NDST4: variants seen among roughly 807,000 people sequenced by gnomAD.
NDST4 encodes N-deacetylase and N-sulfotransferase 4.
Under a neutral mutation model 100.8 loss-of-function variants are expected in NDST4, and 63 were observed. The ratio of observed to expected loss-of-function variants is 0.62; its 90% confidence interval spans 0.51 to 0.77. NDST4 has a LOEUF of 0.77. NDST4 is among the 30% of genes least tolerant of loss of function. NDST4 has a pLI of 0.00. For synonymous variants in NDST4, 377 were observed against 361.8 expected, an observed-to-expected ratio of 1.04 and a Z score of -0.48; for missense variants, 943 against 1,018.4, an observed-to-expected ratio of 0.93 and a Z score of 1.01.
intron 2 of NDST4, among the ~76,000 whole-genome samples, chr4:115,039,439 G>GA (rs33984444): frequency 0.2 from 30,261 of 149,004 alleles, 3,764 homozygotes; most frequent in East Asian, 0.42. Flanking sequence ...TACACTGAAA[G>GA]AAAAAAAAAA....
At chr4:115,015,424 G>A (rs879453672) in intron 2 of NDST4, among the ~76,000 whole-genome samples, 1 of 152,006 alleles carries the variant, frequency 6.6e-6, no homozygotes, top group Non-Finnish European at 1.5e-5. Context: ...TCATCTAGTT[G>A]TTCATTTTGT....
At chr4:114,930,171 AAG>A (rs1725483514) in intron 6 of NDST4, among the ~76,000 whole-genome samples, 1 of 152,196 alleles carries the variant, frequency 6.6e-6, no homozygotes. Flanking sequence ...ATATATACAA[AAG>A]GTGTTGATTT....
At chr4:114,836,893 T>C (rs928635841) in intron 11 of NDST4, among the ~76,000 whole-genome samples, 1 of 152,148 alleles carries the variant, frequency 6.6e-6, no homozygotes, top group African/African-American at 2.4e-5. Flanking sequence ...TAGCTTTTAT[T>C]CTGCTTGATC....
chr4:115,102,545 G>C (rs1482351610), intron 1 of NDST4, among the ~76,000 whole-genome samples: 3 of 151,918 alleles, frequency 2.0e-5, no homozygotes, highest in African/African-American at 7.2e-5. Flanking sequence ...TCTCTTAGAA[G>C]CTATATTTGT....
chr4:115,085,497 C>T (rs1729392178), intron 1 of NDST4, among the ~76,000 whole-genome samples: 1 of 152,088 alleles, frequency 6.6e-6, no homozygotes, highest in South Asian at 2.1e-4. Context: ...AATTGTAGTT[C>T]TCATAATTCC....
At chr4:114,946,524 C>G (rs532624304) in intron 4 of NDST4, among the ~76,000 whole-genome samples, 8 of 152,216 alleles carry the variant, frequency 5.3e-5, no homozygotes, top group Non-Finnish European at 7.4e-5. Flanking sequence ...AAAGTTGTGA[C>G]GGATTGAGCT....
chr4:115,033,131 GTA>G (rs60019799), intron 2 of NDST4, among the ~76,000 whole-genome samples: 14,593 of 107,030 alleles, frequency 0.14, 834 homozygotes, highest in East Asian at 0.25. Context: ...ATATATATGT[GTA>G]TATATATATA....
intron 4 of NDST4, among the ~76,000 whole-genome samples, chr4:114,965,084 G>T (rs1726351564): frequency 6.6e-6 from 1 of 151,778 alleles, no homozygotes; most frequent in South Asian, 2.1e-4. Flanking sequence ...AATTTTTGTT[G>T]CATATTTGTT....
At chr4:115,053,791 C>T (rs1036163007) in intron 2 of NDST4, among the ~76,000 whole-genome samples, 37 of 152,104 alleles carry the variant, frequency 2.4e-4, no homozygotes, top group Non-Finnish European at 5.1e-4. Context: ...TGTCTCTGAA[C>T]TTCTGACCTC....
chr4:114,951,574 A>G (rs1184809842), intron 4 of NDST4, among the ~76,000 whole-genome samples: 2 of 152,272 alleles, frequency 1.3e-5, no homozygotes, highest in East Asian at 3.9e-4. Context: ...AGAATTATGT[A>G]TACATAAACA....
chr4:114,975,123 C>G (rs1726602809), intron 3 of NDST4, among the ~76,000 whole-genome samples: 3 of 152,100 alleles, frequency 2.0e-5, no homozygotes, highest in African/African-American at 4.8e-5. Flanking sequence ...TTTCTGATAT[C>G]TGAAAGGGTA....
chr4:115,082,679 A>G (rs1729326911), intron 1 of NDST4, among the ~76,000 whole-genome samples: 3 of 152,162 alleles, frequency 2.0e-5, no homozygotes, highest in Admixed American at 2.0e-4. Flanking sequence ...TTTACTCTTT[A>G]TGGATCTATT....
rs1468645489 is a variant in NDST4, at chr4:114,977,381, T to C, written c.979-107A>G. On this transcript the variant is annotated intron_variant, in intron 2 of 13. Coordinates refer to ENST00000264363, the MANE Select transcript of NDST4 (RefSeq NM_022569.3). ...TGAGTAAAACAAAATGATATGAGCT[T>C]TCTTGTTTTTGATGGGTACTGTTAT... 1.3e-4 allele frequency: 82 copies of C among 640,638 alleles called. 2 individuals are homozygous for C. In the Admixed American group the frequency reaches 2.3e-3, roughly 18 times the overall value. The allele number at this position is 640,638 out of a possible 1,614,324, so 39.7% of individuals were successfully genotyped here.
At chr4:115,011,553 G>A (rs1299452958) in intron 2 of NDST4, among the ~76,000 whole-genome samples, 1 of 151,030 alleles carries the variant, frequency 6.6e-6, no homozygotes, top group Non-Finnish European at 1.5e-5. Flanking sequence ...ACCTATCATT[G>A]TCAACTTAGA....
At chr4:115,098,617 C>CGTGGT (rs1254101919) in intron 1 of NDST4, among the ~76,000 whole-genome samples, 3 of 152,098 alleles carry the variant, frequency 2.0e-5, no homozygotes, top group Admixed American at 2.0e-4. Context: ...ATCAAGACAC[C>CGTGGT]GTGGTGTAAA....
At chr4:114,970,046 G>T (rs1384837011) in intron 4 of NDST4, among the ~76,000 whole-genome samples, 1 of 151,902 alleles carries the variant, frequency 6.6e-6, no homozygotes, top group Admixed American at 6.6e-5. Context: ...GTTTTGATTT[G>T]TATTTCTCTA....
chr4:114,861,369 A>G (rs1186861110), intron 7 of NDST4, among the ~76,000 whole-genome samples: 2 of 152,196 alleles, frequency 1.3e-5, no homozygotes, highest in Non-Finnish European at 2.9e-5. Flanking sequence ...ATTATATGTT[A>G]TTTAAAATCA....
intron 7 of NDST4, among the ~76,000 whole-genome samples, chr4:114,862,600 A>G (rs1255819159): frequency 6.6e-6 from 1 of 151,960 alleles, no homozygotes; most frequent in East Asian, 1.9e-4. Flanking sequence ...TGTATGTTCA[A>G]CTCGGCCACT....
chr4:114,896,352 G>C (rs748673633), intron 6 of NDST4, among the ~76,000 whole-genome samples: 2 of 152,032 alleles, frequency 1.3e-5, no homozygotes, highest in Non-Finnish European at 2.9e-5. Context: ...GGCCGGGCAC[G>C]GTGGCTCACG....
Sources: gnomAD v4.1 joint callset for allele counts (sites outside exome capture counted in the v4.1 genomes callset) on GRCh38, gnomAD v4.1.1 for gene constraint, MANE v1.5 for transcripts, NCBI Gene and HGNC (gene_info 2026-07-23, HGNC 2026-07-21) for gene names.